TMEM238L: variants seen among roughly 807,000 people sequenced by gnomAD.
The protein encoded by TMEM238L is transmembrane protein 238 like.
chr17:10,801,205 TGCGCCCGGCTAATTTTTTGTATTTTTA>T (rs1388042732), intron 1 of TMEM238L, among the ~76,000 whole-genome samples: 1 of 151,956 alleles, frequency 6.6e-6, no homozygotes, highest in African/African-American at 2.4e-5. Flanking sequence ...CGCCTGCCAC[TGCGCCCGGCTAATTTTTTGTATTTTTA>T]GTAGAGACAG....
At chr17:10,800,513 ATGT>A (rs2151523215) in intron 1 of TMEM238L, among the ~76,000 whole-genome samples, 2 of 152,272 alleles carry the variant, frequency 1.3e-5, no homozygotes, top group African/African-American at 4.8e-5. Context: ...AAAAATCCTA[ATGT>A]TGTACATTGC....
chr17:10,799,972 C>T (rs975844076), intron 1 of TMEM238L, among the ~76,000 whole-genome samples: 7 of 151,628 alleles, frequency 4.6e-5, no homozygotes, highest in Non-Finnish European at 1.0e-4. Context: ...GGCTCTGTCG[C>T]CCAGGCTGGA....
At chr17:10,803,058 G>T (rs1410535074) in intron 1 of TMEM238L, among the ~76,000 whole-genome samples, 2 of 152,216 alleles carry the variant, frequency 1.3e-5, no homozygotes, top group Middle Eastern at 3.4e-3. Context: ...GAGGCGAGTA[G>T]TCCCTACCCC....
At chr17:10,804,012 G>T (rs1018390858) in exon 1 of TMEM238L, 7 of 400,462 alleles carry the variant, frequency 1.7e-5, no homozygotes, top group Non-Finnish European at 3.1e-5. Flanking sequence ...GGGGTGATTT[G>T]CATGGGAGGG....
chr17:10,799,035 T>C (rs796801661), intron 1 of TMEM238L, among the ~76,000 whole-genome samples: 2 of 150,164 alleles, frequency 1.3e-5, no homozygotes, highest in African/African-American at 4.9e-5. Flanking sequence ...TTCCTGGGGG[T>C]GCCTTTGAGG....
intron 1 of TMEM238L, among the ~76,000 whole-genome samples, chr17:10,798,867 T>C (rs1466713032): frequency 1.3e-5 from 2 of 152,116 alleles, no homozygotes; most frequent in African/African-American, 4.8e-5. Context: ...CTGACTTTGC[T>C]TGGGGACTTA....
chr17:10,798,959 T>C (rs1354782512), intron 1 of TMEM238L, among the ~76,000 whole-genome samples: 1 of 151,744 alleles, frequency 6.6e-6, no homozygotes, highest in Non-Finnish European at 1.5e-5. Flanking sequence ...GGTGATAAAA[T>C]CAAACGGCAG....
intron 1 of TMEM238L, among the ~76,000 whole-genome samples, chr17:10,797,543 C>T (rs1258462785): frequency 6.6e-6 from 1 of 152,106 alleles, no homozygotes; most frequent in Non-Finnish European, 1.5e-5. Context: ...AAAATCTGCA[C>T]ATTCAATGCC....
intron 1 of TMEM238L, among the ~76,000 whole-genome samples, chr17:10,796,607 C>T (rs2151521093): frequency 6.6e-6 from 1 of 152,374 alleles, no homozygotes; most frequent in South Asian, 2.1e-4. Context: ...GAGAAAGGCA[C>T]ATTGCTGGGT....
chr17:10,803,111 C>T (rs1048282891), intron 1 of TMEM238L, among the ~76,000 whole-genome samples: 3 of 151,922 alleles, frequency 2.0e-5, no homozygotes, highest in African/African-American at 4.8e-5. Context: ...AGGAAGTGAA[C>T]GAGAGGGGCC....
At chr17:10,800,917 C>G (rs1904719901) in intron 1 of TMEM238L, among the ~76,000 whole-genome samples, 1 of 152,148 alleles carries the variant, frequency 6.6e-6, no homozygotes, top group Non-Finnish European at 1.5e-5. Flanking sequence ...TCTTGGCTCC[C>G]CAAATGGGTT....
rs147897806 is a variant in TMEM238L at position 10,800,077 on chromosome 17, A to G, written c.*118+3529T>C. On this transcript the variant is annotated intron_variant, in intron 1 of 1. Coordinates refer to ENST00000581851, the Ensembl canonical transcript of TMEM238L. ...CTCCCAAGTAGCTGGGACTACAGGCACCCGCCACCATGCCCGGCTAATTTT... is the reference window on the plus strand; with the variant it reads ...CTCCCAAGTAGCTGGGACTACAGGCGCCCGCCACCATGCCCGGCTAATTTT... 9.4e-3 allele frequency among the ~76,000 whole-genome samples: 1,428 copies of G among 151,846 alleles called. 11 individuals are homozygous for G. The highest frequency in any genetic ancestry group is 0.053 in the South Asian group (253 of 4,812).
exon 1 of TMEM238L, chr17:10,803,783 G>A (rs1428836423): frequency 5.0e-6 from 2 of 399,576 alleles, no homozygotes; most frequent in African/African-American, 2.1e-5. Context: ...ATGATCCAGA[G>A]CAGTAGGCTG....
Position 10,803,601 on chromosome 17 carries a change from C to T in TMEM238L, c.*118+5G>A, listed in dbSNP as rs1326089030. 2 of 396,912 alleles carry T rather than the reference C, an allele frequency of 5.0e-6. No individual in the cohort carries two copies. Among genetic ancestry groups the T allele is most frequent in the South Asian group, 1.4e-4 (1 of 7,010 alleles). 24.6% of individuals were successfully genotyped at this position (396,912 alleles called of 1,614,324 possible). The stretch of plus-strand genomic sequence containing the variant: ...CCCTGCCAGGTAGGTCTTGTGTGCA[C>T]TCACCTGGTCCCGGCGTGGCTTGCT... On this transcript the variant is annotated splice_donor_5th_base_variant and intron_variant, in intron 1 of 1. Coordinates refer to ENST00000581851, the Ensembl canonical transcript of TMEM238L.
chr17:10,803,767 T>C (rs1039428470), exon 1 of TMEM238L: 1 of 399,526 alleles, frequency 2.5e-6, no homozygotes, highest in African/African-American at 2.1e-5. Context: ...GTTGAGGGAA[T>C]ACCAGATGAT....
chr17:10,797,206 C>T (rs1207600597), intron 1 of TMEM238L, among the ~76,000 whole-genome samples: 1 of 147,686 alleles, frequency 6.8e-6, no homozygotes, highest in Admixed American at 7.0e-5. Context: ...ACCTTATTAT[C>T]GTTATCTGTA....
chr17:10,796,898 A>G (rs1904565521), intron 1 of TMEM238L, among the ~76,000 whole-genome samples: 1 of 152,196 alleles, frequency 6.6e-6, no homozygotes, highest in South Asian at 2.1e-4. Context: ...GTAAAGGGCC[A>G]GGTAGTAAAT....
exon 2 of TMEM238L, chr17:10,795,430 T>A (rs1229032044): frequency 6.6e-6 from 1 of 152,178 alleles, no homozygotes; most frequent in Non-Finnish European, 1.5e-5. Flanking sequence ...ATCAACACAT[T>A]GGAATATGTC....
At chr17:10,803,844 G>C (rs1018173038) in exon 1 of TMEM238L, 3 of 399,492 alleles carry the variant, frequency 7.5e-6, no homozygotes, top group African/African-American at 4.1e-5. Context: ...AGGAACTCAG[G>C]GGGGCCAAGA....
Sources: gnomAD v4.1 joint callset for allele counts (sites outside exome capture counted in the v4.1 genomes callset) on GRCh38, gnomAD v4.1.1 for gene constraint, MANE v1.5 for transcripts, NCBI Gene and HGNC (gene_info 2026-07-23, HGNC 2026-07-21) for gene names.